Variants in NAV3 observed in about 807,000 individuals in gnomAD.
The protein encoded by NAV3 is pore membrane and/or filament interacting like protein 1.
In NAV3, 87 loss-of-function variants were observed where a neutral mutation model predicts 244.7. That is an observed-to-expected ratio of 0.36 (90% CI 0.30 to 0.42). NAV3 has a LOEUF of 0.42. Among genes scored for constraint, NAV3 ranks in the 20% least tolerant of loss-of-function variants. NAV3 has a pLI of 1.00. For missense variants in NAV3, 2,663 were observed against 2,893.3 expected (o/e 0.92, Z 1.83); for synonymous variants, 1,126 against 1,042.2 (o/e 1.08, Z -1.55).
chr12:78,053,828 C>T (rs1388723872), intron 11 of NAV3, among the ~76,000 whole-genome samples: 2 of 152,048 alleles, frequency 1.3e-5, no homozygotes, highest in Non-Finnish European at 2.9e-5. Context: ...CTGTTCATAT[C>T]CATGAATGGC....
chr12:78,110,938 G>A (rs1433458921), intron 12 of NAV3, among the ~76,000 whole-genome samples: 3 of 152,044 alleles, frequency 2.0e-5, no homozygotes, highest in Admixed American at 1.3e-4. Flanking sequence ...AATATCACAT[G>A]TTCTCACTTA....
chr12:77,869,564 T>G (rs1880625296), intron 1 of NAV3, among the ~76,000 whole-genome samples: 1 of 152,168 alleles, frequency 6.6e-6, no homozygotes, highest in African/African-American at 2.4e-5. Flanking sequence ...TTCTGCAGTT[T>G]CCTTCCATTA....
chr12:77,779,812 G>A (rs1188441409), intron 2 of NAV3, among the ~76,000 whole-genome samples: 1 of 152,120 alleles, frequency 6.6e-6, no homozygotes, highest in Admixed American at 6.5e-5. Flanking sequence ...AGAGGCCTGG[G>A]TTGTCAGTGG....
intron 5 of NAV3, among the ~76,000 whole-genome samples, chr12:77,972,392 T>G (rs1039127902): frequency 2.6e-5 from 4 of 152,344 alleles, no homozygotes; most frequent in African/African-American, 4.8e-5. Flanking sequence ...ATTAACCAAG[T>G]AATCAATTCT....
intron 2 of NAV3, among the ~76,000 whole-genome samples, chr12:77,759,276 T>A (rs1869346869): frequency 6.6e-6 from 1 of 152,254 alleles, no homozygotes; most frequent in Non-Finnish European, 1.5e-5. Flanking sequence ...ACTGTAGTAG[T>A]TGCCTTACAA....
intron 2 of NAV3, among the ~76,000 whole-genome samples, chr12:77,741,154 AAAAAAAAAAAAAGAAAAGAAAG>A (rs1868326051): frequency 6.9e-6 from 1 of 144,518 alleles, no homozygotes; most frequent in Admixed American, 6.8e-5. Context: ...AAGACAAAAA[AAAAAAAAAAAAAGAAAAGAAAG>A]AAAAAGAAAA....
intron 8 of NAV3, among the ~76,000 whole-genome samples, chr12:78,018,278 T>C (rs1876568607): frequency 1.3e-5 from 2 of 152,156 alleles, no homozygotes; most frequent in South Asian, 4.1e-4. Context: ...AAGACTGAGC[T>C]GTCACAAGTA....
chr12:78,084,399 C>G (rs1953517430), intron 12 of NAV3, among the ~76,000 whole-genome samples: 1 of 152,156 alleles, frequency 6.6e-6, no homozygotes, highest in Admixed American at 6.5e-5. Flanking sequence ...CCCATTCCCT[C>G]TCTGTGATCA....
intron 2 of NAV3, among the ~76,000 whole-genome samples, chr12:77,590,583 A>T (rs1380615828): frequency 6.6e-6 from 1 of 152,192 alleles, no homozygotes; most frequent in Non-Finnish European, 1.5e-5. Flanking sequence ...TACCTGAGTG[A>T]TGAAGTAATC....
intron 9 of NAV3, among the ~76,000 whole-genome samples, chr12:78,035,977 C>T (rs1390045094): frequency 6.6e-6 from 1 of 152,132 alleles, no homozygotes; most frequent in Admixed American, 6.6e-5. Context: ...CTTCAGCTGC[C>T]TGCAGCTACA....
At chr12:77,819,445 T>C (rs556912375) in intron 2 of NAV3, among the ~76,000 whole-genome samples, 1 of 151,922 alleles carries the variant, frequency 6.6e-6, no homozygotes, top group South Asian at 2.1e-4. Flanking sequence ...TCTACAAATT[T>C]TCCTTTATTC....
At chr12:77,736,477 T>C (rs1256051352) in intron 2 of NAV3, among the ~76,000 whole-genome samples, 1 of 152,224 alleles carries the variant, frequency 6.6e-6, no homozygotes, top group South Asian at 2.1e-4. Flanking sequence ...TAACTAGGGG[T>C]CTGGGATCCA....
intron 1 of NAV3, among the ~76,000 whole-genome samples, chr12:77,911,899 T>G (rs1447167100): frequency 6.6e-6 from 1 of 152,106 alleles, no homozygotes; most frequent in African/African-American, 2.4e-5. Context: ...GACCCCAGTT[T>G]CAGAAACACA....
intron 2 of NAV3, among the ~76,000 whole-genome samples, chr12:77,740,269 TTTC>T (rs1306090345): frequency 6.6e-6 from 1 of 152,170 alleles, no homozygotes; most frequent in Non-Finnish European, 1.5e-5. Context: ...GTGTGGAAAT[TTTC>T]TTCTTTAATT....
At chr12:77,829,089 A>G (rs945631578), upstream of NAV3, among the ~76,000 whole-genome samples, 1 of 145,470 alleles carries the variant, frequency 6.9e-6, no homozygotes, top group Non-Finnish European at 1.6e-5. Context: ...TAAGAAAACT[A>G]AAAACAAAAA....
At chr12:77,726,484 AAAGT>A (rs1876883989) in intron 2 of NAV3, among the ~76,000 whole-genome samples, 2 of 151,944 alleles carry the variant, frequency 1.3e-5, no homozygotes, top group African/African-American at 4.8e-5. Context: ...AGGAGGAAAG[AAAGT>A]AAGGGATTAG....
chr12:77,812,495 G>T (rs1206642726), intron 2 of NAV3, among the ~76,000 whole-genome samples: 1 of 151,312 alleles, frequency 6.6e-6, no homozygotes, highest in Non-Finnish European at 1.5e-5. Flanking sequence ...GCTCACTGCA[G>T]CCTCCACCTT....
intron 2 of NAV3, among the ~76,000 whole-genome samples, chr12:77,649,669 T>C (rs934292366): frequency 1.4e-4 from 21 of 152,206 alleles, no homozygotes; most frequent in Admixed American, 7.2e-4. Context: ...TATTTAAAAC[T>C]GATTTTGTAA....
intron 12 of NAV3, among the ~76,000 whole-genome samples, chr12:78,081,992 C>G (rs61936211): frequency 0.085 from 12,921 of 152,226 alleles, 687 homozygotes; most frequent in South Asian, 0.18. Context: ...CCCATAATTC[C>G]CACCTGTCGT....
Sources: allele counts gnomAD v4.1 joint callset (sites outside exome capture counted in the v4.1 genomes callset), GRCh38; gene constraint gnomAD v4.1.1; transcripts MANE v1.5; gene names NCBI Gene and HGNC (gene_info 2026-07-23, HGNC 2026-07-21).